TF: variants seen among roughly 807,000 people sequenced by gnomAD.
TF encodes transferrin.
A neutral mutation model predicts 82.4 loss-of-function variants in TF; 55 were observed. The ratio of observed to expected loss-of-function variants is 0.67; its 90% CI spans 0.54 to 0.84. The LOEUF (loss-of-function observed/expected upper bound fraction) is 0.84. TF is among the 40% of genes least tolerant of loss of function. The pLI is 0.00. For synonymous variants in TF, 332 were observed against 332.6 expected, an observed-to-expected ratio of 1.00 and a Z score of 0.02; for missense variants, 737 against 868.4, an observed-to-expected ratio of 0.85 and a Z score of 1.90.
At chr3:133,718,053 C>T in the TF span, among the ~76,000 whole-genome samples, 43 of 151,834 alleles carry the variant, frequency 2.8e-4, no homozygotes, top group African/African-American at 8.0e-4. Flanking sequence ...GAGTCCTGGA[C>T]GCTGGATGGG....
chr3:133,718,830 C>T, the TF span, among the ~76,000 whole-genome samples: 6 of 152,162 alleles, frequency 3.9e-5, no homozygotes, highest in African/African-American at 1.2e-4. Flanking sequence ...TGTTTACCTA[C>T]CTTGCCCTGA....
chr3:133,770,993 T>C (rs1035174516), intron 14 of TF: 1 of 229,566 alleles, frequency 4.4e-6, no homozygotes, highest in Non-Finnish European at 8.7e-6. Flanking sequence ...TTTATAGCTA[T>C]TTACTGTACT....
upstream of TF, among the ~76,000 whole-genome samples, chr3:133,741,735 G>A (rs547410863): frequency 5.3e-5 from 8 of 152,240 alleles, no homozygotes; most frequent in Admixed American, 3.3e-4. Context: ...ATTGATACTT[G>A]AAAAGATAGC....
chr3:133,761,432 G>T (rs8177256), intron 9 of TF: 47,418 of 151,990 alleles, frequency 0.31, 7,827 homozygotes, highest in East Asian at 0.43. Flanking sequence ...GGCTAAGGTA[G>T]GAGGATTGCT....
chr3:133,756,698 G>T (rs1227170049), intron 6 of TF, 133 bp from the exon 7 acceptor site: 6 of 1,129,652 alleles, frequency 5.3e-6, no homozygotes, highest in Non-Finnish European at 7.9e-6. Context: ...TCATTCTCCC[G>T]CATGTTCTCT....
chr3:133,767,973 A>G, intron 12 of TF, 56 bp from the exon 13 acceptor site: 2 of 1,611,024 alleles, frequency 1.2e-6, no homozygotes. Flanking sequence ...TCTCTTAAAT[A>G]AAAGCTGCTT....
In TF at chr3:133,746,498, G is replaced by T. The variant is rs562524022; in HGVS notation, c.43+15G>T. On this transcript the variant is annotated intron_variant, in intron 1 of 16. Transcript: ENST00000402696. Reference sequence around the variant, plus strand: ...CGCCGTCCTGGGTGAGTGCGGGCACGGGGTAGCACCGCAGAGTCGCTGGCC... The same window carrying T: ...CGCCGTCCTGGGTGAGTGCGGGCACTGGGTAGCACCGCAGAGTCGCTGGCC... The T allele has an allele frequency of 1.9e-6, 3 of 1,593,416 alleles. No individual in the cohort carries two copies. Among genetic ancestry groups the T allele is most frequent in the Non-Finnish European group, 2.6e-6 (3 of 1,175,418 alleles).
At chr3:133,776,374 C>CCA (rs987984643) in intron 15 of TF, among the ~76,000 whole-genome samples, 2 of 152,110 alleles carry the variant, frequency 1.3e-5, no homozygotes, top group African/African-American at 4.8e-5. Context: ...AAAGGCCCCT[C>CCA]CACACACACA....
chr3:133,714,785 C>T, the TF span, among the ~76,000 whole-genome samples: 1 of 152,134 alleles, frequency 6.6e-6, no homozygotes. Context: ...TGGGTTGAAG[C>T]AGTTTTCCTG....
chr3:133,705,168 G>A, the TF span, among the ~76,000 whole-genome samples: 2 of 152,116 alleles, frequency 1.3e-5, no homozygotes, highest in African/African-American at 4.8e-5. Flanking sequence ...CCAGCTACAG[G>A]GAGGCTGAGG....
intron 7 of TF, 41 bp from the exon 8 acceptor site, chr3:133,757,728 C>A: frequency 6.3e-7 from 1 of 1,576,298 alleles, no homozygotes; most frequent in Admixed American, 1.7e-5. Context: ...AGCCTCCTTT[C>A]TTCTGTGTTG....
At chr3:133,734,504 C>CT in the TF span, among the ~76,000 whole-genome samples, 1 of 152,160 alleles carries the variant, frequency 6.6e-6, no homozygotes, top group East Asian at 1.9e-4. Flanking sequence ...TAGATAATGT[C>CT]AGTAACTGGC....
the TF span, among the ~76,000 whole-genome samples, chr3:133,703,088 C>T: frequency 2.6e-5 from 4 of 152,120 alleles, no homozygotes; most frequent in Admixed American, 2.6e-4. Context: ...ACCAGTTTCT[C>T]AGTGTTTATA....
the TF span, among the ~76,000 whole-genome samples, chr3:133,685,293 C>G: frequency 6.6e-6 from 1 of 152,156 alleles, no homozygotes; most frequent in Non-Finnish European, 1.5e-5. Flanking sequence ...AAAACTGGCA[C>G]AAGACAGGGA....
chr3:133,709,292 G>A, the TF span, among the ~76,000 whole-genome samples: 1 of 152,148 alleles, frequency 6.6e-6, no homozygotes, highest in African/African-American at 2.4e-5. Context: ...GAACACAGCT[G>A]CAAGGAAACA....
chr3:133,692,528 C>A, the TF span, among the ~76,000 whole-genome samples: 4 of 152,132 alleles, frequency 2.6e-5, no homozygotes, highest in Non-Finnish European at 5.9e-5. Flanking sequence ...ATAGCTGGTG[C>A]CCTTGAGGAT....
chr3:133,670,906 A>G, the TF span, among the ~76,000 whole-genome samples: 1 of 152,238 alleles, frequency 6.6e-6, no homozygotes, highest in African/African-American at 2.4e-5. Flanking sequence ...GCTGGCTTAC[A>G]GAGAAGCCAG....
the TF span, among the ~76,000 whole-genome samples, chr3:133,685,714 G>A: frequency 6.6e-5 from 10 of 152,136 alleles, no homozygotes; most frequent in Admixed American, 6.6e-4. Flanking sequence ...ACAAACAAAT[G>A]GAAGAACATT....
At chr3:133,770,674 C>T in intron 14 of TF, 102 bp downstream of exon 14, 2 of 1,198,882 alleles carry the variant, frequency 1.7e-6, no homozygotes, top group Non-Finnish European at 2.5e-6. Flanking sequence ...TGTACACTGT[C>T]AGACTTCAAA....
Sources: gnomAD v4.1 joint callset for allele counts (sites outside exome capture counted in the v4.1 genomes callset) on GRCh38, gnomAD v4.1.1 for gene constraint, MANE v1.5 for transcripts, NCBI Gene and HGNC (gene_info 2026-07-23, HGNC 2026-07-21) for gene names.